The following STRN variants were observed in gnomAD, a reference collection of about 807,000 sequenced individuals.
STRN encodes the protein protein phosphatase 2 regulatory subunit B'''alpha.
In STRN, 53 loss-of-function variants were observed where a neutral mutation model predicts 96.3. The ratio of observed to expected loss-of-function variants is 0.55; its 90% CI spans 0.44 to 0.69. The LOEUF is 0.69. STRN is among the 30% of genes least tolerant of loss of function. The pLI is 0.00. For missense variants in STRN, 987 were observed against 963.9 expected (o/e 1.02, Z -0.32); for synonymous variants, 428 against 355.9 (o/e 1.20, Z -2.28).
chr2:36,923,863 G>A (rs576191564), intron 2 of STRN, among the ~76,000 whole-genome samples: 15 of 151,858 alleles, frequency 9.9e-5, no homozygotes, highest in East Asian at 5.8e-4. Context: ...TCAGATTGTC[G>A]ACAAAAAAAT....
At chr2:36,859,192 G>A (rs1668418912) in intron 13 of STRN, among the ~76,000 whole-genome samples, 1 of 152,086 alleles carries the variant, frequency 6.6e-6, no homozygotes, top group South Asian at 2.1e-4. Context: ...TGTCTCCAGG[G>A]GCAGCAGGAT....
intron 15 of STRN, among the ~76,000 whole-genome samples, chr2:36,851,861 T>C (rs746037068): frequency 1.4e-4 from 21 of 152,216 alleles, no homozygotes; most frequent in Non-Finnish European, 1.9e-4. Context: ...TAAATCCCTT[T>C]ATCACTCTTC....
At chr2:36,950,215 T>TG (rs1414002406) in intron 1 of STRN, among the ~76,000 whole-genome samples, 1 of 130,518 alleles carries the variant, frequency 7.7e-6, no homozygotes, top group African/African-American at 3.2e-5. Context: ...TTGGTTTTGT[T>TG]TTTTTTTTTT....
chr2:36,893,532 T>G (rs960969971), intron 7 of STRN, among the ~76,000 whole-genome samples: 1 of 152,216 alleles, frequency 6.6e-6, no homozygotes, highest in Non-Finnish European at 1.5e-5. Context: ...ATACTTCTTT[T>G]CGCATGTAAG....
intron 1 of STRN, among the ~76,000 whole-genome samples, chr2:36,930,981 C>T (rs1428559461): frequency 1.3e-5 from 2 of 151,394 alleles, no homozygotes; most frequent in African/African-American, 2.4e-5. Context: ...TGTGGTGAGT[C>T]GAGATCATGC....
rs191756360 is a variant in STRN, at chr2:36,898,442, T to G, written c.795+1081A>C. ...CAGGGCTTTACCAGTAGAGTACTAT[T>G]GAATAGTCGTGATGGAAAACAATAA... On this transcript the variant is annotated intron_variant, in intron 6 of 17. Coordinates refer to ENST00000263918, the MANE Select transcript of STRN (RefSeq NM_003162.4). 5.9e-5 allele frequency among the ~76,000 whole-genome samples: 9 copies of G among 152,366 alleles called. No individual in the cohort carries two copies. In the East Asian group the frequency reaches 1.3e-3, roughly 23 times the overall value.
Position 36,929,824 on chromosome 2 carries a change from C to T in STRN, c.235-4616G>A, listed in dbSNP as rs188702590. 2.3e-3 allele frequency among the ~76,000 whole-genome samples: 345 copies of T among 152,266 alleles called. 1 individual carries two copies. The highest frequency in any genetic ancestry group is 8.0e-3 in the African/African-American group (331 of 41,558). ...ACACTTTTCAGTAGCTTTTCAGTTA[C>T]TTGCTATGGAATATAAAGAGCATTC... On this transcript the variant is annotated intron_variant, in intron 1 of 17. Transcript: ENST00000263918.
chr2:36,867,863 TAAA>T lies in STRN; in HGVS notation c.1500-5_1500-3del. ...GGTTCTACATCAAGAGAAGTGCTCCTAAATCAGAGAGAGATGACTTTACCATTC... is the reference window on the plus strand; with the variant it reads ...GGTTCTACATCAAGAGAAGTGCTCCTTCAGAGAGAGATGACTTTACCATTC... On this transcript the variant is annotated splice_region_variant and splice_polypyrimidine_tract_variant and intron_variant, in intron 11 of 17. Coordinates refer to ENST00000263918, the MANE Select transcript of STRN (RefSeq NM_003162.4). 6.3e-7 allele frequency: 1 copy of T among 1,590,242 alleles called. No homozygotes were observed. Among genetic ancestry groups the T allele is most frequent in the Non-Finnish European group, 8.5e-7 (1 of 1,170,086 alleles).
At chr2:36,855,748 T>C (rs1167769202) in intron 14 of STRN, among the ~76,000 whole-genome samples, 1 of 152,094 alleles carries the variant, frequency 6.6e-6, no homozygotes, top group Non-Finnish European at 1.5e-5. Context: ...TCATCAAAAA[T>C]AGAGAAATTA....
At position 36,857,134 on chromosome 2, in the gene STRN, C is replaced by T. The variant is rs13415040; in HGVS notation, c.1837+722G>A. ...GTAGAGACAGGGCCTCGCTATGTTG[C>T]CCAGCTGGTCCCAAATTCCTGGCCT... On this transcript the variant is annotated intron_variant, in intron 14 of 17. Transcript: ENST00000263918. Among the ~76,000 whole-genome samples, 1,059 of 150,214 alleles carry T rather than the reference C, an allele frequency of 7.0e-3. 17 individuals carry two copies. Among genetic ancestry groups the T allele is most frequent in the African/African-American group, 0.025 (1,013 of 40,816 alleles).
intron 1 of STRN, among the ~76,000 whole-genome samples, chr2:36,931,100 G>T (rs1380355563): frequency 2.0e-5 from 3 of 151,078 alleles, no homozygotes; most frequent in African/African-American, 7.3e-5. Flanking sequence ...TCCCCAAAGT[G>T]TTGAGATTAC....
Position 36,966,444 on chromosome 2 carries a change from G to T in STRN, c.20C>A (p.Pro7His). 6.8e-7 allele frequency: 1 copy of T among 1,463,586 alleles called. No individual in the cohort carries two copies. 90.7% of individuals were successfully genotyped at this position (1,463,586 alleles called of 1,614,324 possible). A position where few individuals can be genotyped will look rare whatever the true frequency, so the allele number is the denominator to read the frequency against. The change falls in exon 1 of 18, where the codon CCC (proline) becomes CAC (histidine). Residue 7 changes from proline to histidine, a missense_variant. Transcript: ENST00000263918. MDEQAG[P>H]GVFFSNNHPG... Reference sequence around the variant, plus strand: ...GTGGTTGTTGCTGAAGAAGACGCCGGGACCCGCCTGCTCGTCCATGGCGGC... The same window carrying T: ...GTGGTTGTTGCTGAAGAAGACGCCGTGACCCGCCTGCTCGTCCATGGCGGC...
chr2:36,910,316 AT>A (rs1299012804), intron 3 of STRN, among the ~76,000 whole-genome samples: 1 of 152,230 alleles, frequency 6.6e-6, no homozygotes, highest in Non-Finnish European at 1.5e-5. Context: ...ACACAAAGGA[AT>A]AATGAGTATT....
At position 36,851,651 on chromosome 2, in the gene STRN, C is replaced by T. The variant is rs116458202; in HGVS notation, c.1979-544G>A. 5.3e-3 allele frequency among the ~76,000 whole-genome samples: 808 copies of T among 152,232 alleles called. 6 individuals carry two copies. The highest frequency in any genetic ancestry group is 0.018 in the African/African-American group (748 of 41,540). Reference sequence around the variant, plus strand: ...TACAATTTCCTGCTATATGTGGGTGCCATCTATGGCTTAGTCTAGAGCCAC... The same window carrying T: ...TACAATTTCCTGCTATATGTGGGTGTCATCTATGGCTTAGTCTAGAGCCAC... On this transcript the variant is annotated intron_variant, in intron 15 of 17. Transcript: ENST00000263918.
At chr2:36,916,233 A>T in intron 2 of STRN, 82 bp from the exon 3 acceptor site, 1 of 1,206,054 alleles carries the variant, frequency 8.3e-7, no homozygotes, top group Non-Finnish European at 1.2e-6. Context: ...ACAAGAATTC[A>T]GTAGTCCTGG....
At chr2:36,895,517 T>A (rs1221781511) in intron 6 of STRN, among the ~76,000 whole-genome samples, 1 of 152,122 alleles carries the variant, frequency 6.6e-6, no homozygotes, top group Admixed American at 6.5e-5. Flanking sequence ...TGTGGCAGAC[T>A]GGGAACAGAA....
chr2:36,907,409 C>T (rs560368406), intron 3 of STRN, among the ~76,000 whole-genome samples: 18 of 152,180 alleles, frequency 1.2e-4, no homozygotes, highest in South Asian at 2.1e-4. Context: ...CTTAGCCAGG[C>T]GTGGTGGCAC....
intron 9 of STRN, among the ~76,000 whole-genome samples, chr2:36,880,096 T>C (rs751057061): frequency 5.3e-5 from 8 of 152,204 alleles, no homozygotes; most frequent in Non-Finnish European, 7.3e-5. Flanking sequence ...GCCTCCCAAG[T>C]AGCTGAGATT....
intron 10 of STRN, among the ~76,000 whole-genome samples, chr2:36,875,735 C>T (rs1668888872): frequency 6.7e-6 from 1 of 150,304 alleles, no homozygotes; most frequent in African/African-American, 2.4e-5. Context: ...CGGCTCACTG[C>T]AAACTCTGCC....
Sources: gnomAD v4.1 joint callset for allele counts (sites outside exome capture counted in the v4.1 genomes callset) on GRCh38, gnomAD v4.1.1 for gene constraint, MANE v1.5 for transcripts, NCBI Gene and HGNC (gene_info 2026-07-23, HGNC 2026-07-21) for gene names.